BICD1: variants seen among roughly 807,000 people sequenced by gnomAD.
BICD1 encodes protein bicaudal D homolog 1.
BICD1 carries 35 observed loss-of-function variants against 92.5 expected under a neutral mutation model. That is an observed-to-expected ratio of 0.38 (90% CI 0.29 to 0.50). BICD1 has a LOEUF of 0.50. Ranked by LOEUF, BICD1 falls within the 20% of genes least tolerant of loss-of-function variation. BICD1 has a pLI of 0.93. For synonymous variants in BICD1, 429 were observed against 465.1 expected (o/e 0.92, Z 1.00); for missense variants, 950 against 1,189.8 (o/e 0.80, Z 2.97).
chr12:32,194,091 G>A (rs1020941107), intron 1 of BICD1, among the ~76,000 whole-genome samples: 8 of 152,064 alleles, frequency 5.3e-5, no homozygotes, highest in African/African-American at 1.9e-4. Flanking sequence ...CAGGATGAGG[G>A]ATAAAAATCA....
In BICD1 at chr12:32,123,148, G is replaced by A. The variant is rs11838355; in HGVS notation, c.213+15604G>A. Among the ~76,000 whole-genome samples, 1,423 of 152,296 alleles carry A rather than the reference G, an allele frequency of 9.3e-3. 26 individuals are homozygous for A. Among genetic ancestry groups the A allele is most frequent in the African/African-American group, 0.032 (1,344 of 41,574 alleles). On this transcript the variant is annotated intron_variant, in intron 1 of 9. Transcript: ENST00000652176. Reference sequence around the variant, plus strand: ...AACCCTGGGAATAGGGAGATGGCATGTGAAGTGGAAGAAGGTTATGATTTT... The same window carrying A: ...AACCCTGGGAATAGGGAGATGGCATATGAAGTGGAAGAAGGTTATGATTTT...
intron 1 of BICD1, among the ~76,000 whole-genome samples, chr12:32,178,292 A>G (rs1365244073): frequency 6.6e-6 from 1 of 151,984 alleles, no homozygotes; most frequent in African/African-American, 2.4e-5. Flanking sequence ...GGAAAGTAAG[A>G]TCTCAGCATT....
intron 1 of BICD1, among the ~76,000 whole-genome samples, chr12:32,143,714 C>T (rs930658186): frequency 1.3e-5 from 2 of 152,132 alleles, no homozygotes; most frequent in African/African-American, 4.8e-5. Flanking sequence ...AATCTTCAAC[C>T]TGCCTGTATT....
intron 2 of BICD1, among the ~76,000 whole-genome samples, chr12:32,275,968 G>GCCACCATCTTGGAAGCCGCCCA (rs1360019349): frequency 6.6e-6 from 1 of 152,090 alleles, no homozygotes; most frequent in Non-Finnish European, 1.5e-5. Context: ...CACGAGGCTT[G>GCCACCATCTTGGAAGCCGCCCA]CCACCATCTT....
intron 1 of BICD1, among the ~76,000 whole-genome samples, chr12:32,120,781 A>G (rs1322420257): frequency 3.3e-5 from 5 of 151,562 alleles, no homozygotes; most frequent in Admixed American, 2.6e-4. Flanking sequence ...TTAAATCACA[A>G]ACTGGCTTTC....
At chr12:32,116,548 C>T (rs950785298) in intron 1 of BICD1, among the ~76,000 whole-genome samples, 2 of 147,844 alleles carry the variant, frequency 1.4e-5, no homozygotes, top group Admixed American at 6.8e-5. Context: ...GAGATGGAGT[C>T]TCACTCTGTC....
chr12:32,351,174 A>ACC (rs1938854067), intron 8 of BICD1, among the ~76,000 whole-genome samples: 1 of 151,230 alleles, frequency 6.6e-6, no homozygotes, highest in Non-Finnish European at 1.5e-5. Context: ...TAAAAAAAAA[A>ACC]AAAAAACTTC....
chr12:32,158,112 T>C (rs1046696486), intron 1 of BICD1, among the ~76,000 whole-genome samples: 17 of 150,348 alleles, frequency 1.1e-4, no homozygotes, highest in Non-Finnish European at 1.6e-4. Context: ...TTTTCTTTTT[T>C]TTTTTTTTTT....
intron 1 of BICD1, among the ~76,000 whole-genome samples, chr12:32,110,705 A>G (rs1176810133): frequency 1.3e-5 from 2 of 152,124 alleles, no homozygotes; most frequent in Admixed American, 1.3e-4. Flanking sequence ...CTAAAAATAT[A>G]CATATATAAA....
At chr12:32,225,547 C>T (rs930314000) in intron 2 of BICD1, among the ~76,000 whole-genome samples, 4 of 151,710 alleles carry the variant, frequency 2.6e-5, no homozygotes, top group Non-Finnish European at 5.9e-5. Flanking sequence ...TTTTGCTTTC[C>T]CACTAGCAAT....
At chr12:32,361,525 C>T (rs1355788285) in intron 8 of BICD1, among the ~76,000 whole-genome samples, 2 of 149,708 alleles carry the variant, frequency 1.3e-5, no homozygotes, top group East Asian at 2.0e-4. Context: ...TTCACTCCAG[C>T]CTGGGCAACA....
In BICD1 at chr12:32,267,083, TTCTG is replaced by T. The variant is rs531160934; in HGVS notation, c.427-26907_427-26904del. ...AGAGGCTGACATGTCATGCACATCA[TTCTG>T]TCTATCTCATTGTTTAGTGTCTCTT... On this transcript the variant is annotated intron_variant, in intron 2 of 9. Transcript: ENST00000652176. 2.3e-3 allele frequency among the ~76,000 whole-genome samples: 354 copies of T among 152,296 alleles called. 2 individuals are homozygous for T. The highest frequency in any genetic ancestry group is 8.2e-3 in the African/African-American group (341 of 41,570).
chr12:32,365,771 C>A (rs897869283), intron 8 of BICD1, among the ~76,000 whole-genome samples: 5 of 152,126 alleles, frequency 3.3e-5, no homozygotes, highest in Admixed American at 6.6e-5. Flanking sequence ...TTGGAGAAGA[C>A]AAAAGGAGCA....
chr12:32,252,570 G>A (rs535571907), intron 2 of BICD1, among the ~76,000 whole-genome samples: 12 of 152,180 alleles, frequency 7.9e-5, no homozygotes, highest in South Asian at 6.2e-4. Flanking sequence ...ATTATCAGGC[G>A]TTTCTTTCAT....
At chr12:32,114,152 T>C (rs534119340) in intron 1 of BICD1, among the ~76,000 whole-genome samples, 1 of 152,158 alleles carries the variant, frequency 6.6e-6, no homozygotes, top group East Asian at 1.9e-4. Flanking sequence ...ATTATAGGCA[T>C]GAGCCACCGC....
intron 5 of BICD1, chr12:32,332,902 A>C: frequency 1.0e-6 from 1 of 985,456 alleles, no homozygotes. Context: ...TGTGTGGAGA[A>C]AGTGGTGAAA....
intron 1 of BICD1, chr12:32,109,447 G>A (rs1941608496): frequency 6.6e-6 from 1 of 151,970 alleles, no homozygotes; most frequent in South Asian, 2.1e-4. Flanking sequence ...TGAGAAAAAT[G>A]TGAAAAAAAC....
intron 2 of BICD1, among the ~76,000 whole-genome samples, chr12:32,222,658 G>A (rs927132389): frequency 6.6e-6 from 1 of 152,160 alleles, no homozygotes; most frequent in African/African-American, 2.4e-5. Flanking sequence ...GTCTGAATGT[G>A]CCCCTTTTAA....
chr12:32,358,565 C>T (rs1003001196), intron 8 of BICD1, among the ~76,000 whole-genome samples: 9 of 151,912 alleles, frequency 5.9e-5, no homozygotes, highest in Non-Finnish European at 1.3e-4. Flanking sequence ...GGCGAAACCC[C>T]GTCTCTACTA....
Sources: allele counts gnomAD v4.1 joint callset (sites outside exome capture counted in the v4.1 genomes callset), GRCh38; gene constraint gnomAD v4.1.1; transcripts MANE v1.5; gene names NCBI Gene and HGNC (gene_info 2026-07-23, HGNC 2026-07-21).